The following USP3 variants were observed in gnomAD, a reference collection of about 807,000 sequenced individuals.
USP3 encodes the protein ubiquitin carboxyl-terminal hydrolase 3.
Under a neutral mutation model 72.3 loss-of-function variants are expected in USP3, and 20 were observed. The ratio of observed to expected loss-of-function variants is 0.28; its 90% CI spans 0.19 to 0.40. The LOEUF is 0.40. USP3 is among the 10% of genes least tolerant of loss of function. The pLI is 1.00. For missense variants in USP3, 479 were observed against 633.9 expected, an observed-to-expected ratio of 0.76 and a Z score of 2.62; for synonymous variants, 222 against 225.3, an observed-to-expected ratio of 0.99 and a Z score of 0.13.
At chr15:63,506,606 CTCTG>C (rs1240554564) in intron 1 of USP3, among the ~76,000 whole-genome samples, 2 of 152,290 alleles carry the variant, frequency 1.3e-5, no homozygotes, top group East Asian at 3.9e-4. Flanking sequence ...TCAGTCTTGC[CTCTG>C]TCAGTCAGGG....
Position 63,570,598 on chromosome 15 carries a change from C to T in USP3, c.908+19C>T. ...GTTGCATGTAAGATTTAGTTGCCTT[C>T]TGTTTTTTAGGAGGGCCTCAGACAT... On this transcript the variant is annotated intron_variant, in intron 9 of 14. Coordinates refer to ENST00000380324, the MANE Select transcript of USP3 (RefSeq NM_006537.4). The surrounding 1 kb of genome is among the most constrained non-coding windows in gnomAD (Gnocchi z 4.4). 1 of 1,595,396 alleles carries T rather than the reference C, an allele frequency of 6.3e-7. No individual in the cohort carries two copies. The highest frequency in any genetic ancestry group is 1.1e-5 in the South Asian group (1 of 88,206).
At chr15:63,552,961 T>C (rs1297832627) in intron 3 of USP3, among the ~76,000 whole-genome samples, 2 of 152,224 alleles carry the variant, frequency 1.3e-5, no homozygotes, top group African/African-American at 2.4e-5. Flanking sequence ...AAATTGGCCT[T>C]ATCCCAGGAA....
intron 3 of USP3, among the ~76,000 whole-genome samples, chr15:63,552,710 A>G (rs1192532094): frequency 6.6e-6 from 1 of 152,150 alleles, no homozygotes; most frequent in African/African-American, 2.4e-5. Context: ...TTCTAAAATT[A>G]CTTTTCCCCA....
intron 8 of USP3, among the ~76,000 whole-genome samples, chr15:63,564,488 G>C (rs1424125550): frequency 1.3e-5 from 2 of 152,178 alleles, no homozygotes; most frequent in Non-Finnish European, 2.9e-5. Flanking sequence ...TGGTGACCAA[G>C]ATCCCTCATT....
Position 63,510,993 on chromosome 15 carries a change from A to T in USP3, c.91+6163A>T, listed in dbSNP as rs939345571. Among the ~76,000 whole-genome samples the T allele has an allele frequency of 2.0e-5, 3 of 152,216 alleles. No individual in the cohort carries two copies. The South Asian group carries it at 6.2e-4, about 32-fold the overall frequency. On this transcript the variant is annotated intron_variant, in intron 1 of 14. Coordinates refer to ENST00000380324, the MANE Select transcript of USP3 (RefSeq NM_006537.4). Reference sequence around the variant, plus strand: ...CTTTTTAACTGCTGTGAGTCTGCAGATGTGATTATCTATAGTAATTCCAGA... The same window carrying T: ...CTTTTTAACTGCTGTGAGTCTGCAGTTGTGATTATCTATAGTAATTCCAGA...
At chr15:63,562,641 A>T (rs2066626419) in intron 7 of USP3, among the ~76,000 whole-genome samples, 1 of 152,236 alleles carries the variant, frequency 6.6e-6, no homozygotes, top group Admixed American at 6.5e-5. Context: ...GTTTTAACTC[A>T]AAGTGTACAA....
chr15:63,547,722 TAGAGAGAG>T (rs138124125), intron 3 of USP3, among the ~76,000 whole-genome samples: 3 of 68,096 alleles, frequency 4.4e-5, no homozygotes, highest in Admixed American at 1.7e-4. Context: ...CCTGTCTCAA[TAGAGAGAG>T]AGAGAGAGAG....
intron 3 of USP3, among the ~76,000 whole-genome samples, chr15:63,538,637 C>T (rs2066195939): frequency 1.3e-5 from 2 of 151,706 alleles, no homozygotes; most frequent in Admixed American, 1.3e-4. Context: ...GCTCTGCCTC[C>T]TGGGTTCAAG....
intron 1 of USP3, among the ~76,000 whole-genome samples, chr15:63,520,620 A>G (rs1176158928): frequency 7.4e-6 from 1 of 135,642 alleles, no homozygotes; most frequent in Admixed American, 8.2e-5. Flanking sequence ...CCGGAGTGCA[A>G]TGATGCAATC....
At chr15:63,560,115 A>G (rs867906571) in intron 7 of USP3, 145 bp downstream of exon 7, 32 of 725,686 alleles carry the variant, frequency 4.4e-5, no homozygotes, top group South Asian at 4.2e-4. Flanking sequence ...CTAGTTAGCA[A>G]TCTTAATAAT....
intron 5 of USP3, among the ~76,000 whole-genome samples, chr15:63,557,497 A>G (rs2066532498): frequency 1.3e-5 from 2 of 152,162 alleles, no homozygotes; most frequent in Admixed American, 6.5e-5. Context: ...TCCTGAGCTC[A>G]GGCAATCCAC....
chr15:63,574,449 G>T lies in USP3; in HGVS notation c.1096+46G>T, dbSNP rs757219311. The T allele has an allele frequency of 7.1e-7, 1 of 1,400,980 alleles. No individual in the cohort carries two copies. The highest frequency in any genetic ancestry group is 1.3e-5 in the South Asian group (1 of 76,790). The allele number at this position is 1,400,980 out of a possible 1,614,324, so 86.8% of individuals were successfully genotyped here. On this transcript the variant is annotated intron_variant, in intron 11 of 14. Transcript: ENST00000380324. The surrounding 1 kb of genome is among the most constrained non-coding windows in gnomAD (Gnocchi z 4.6). ...TAAAAATTTTTTTCTTTAAATAATT[G>T]AATAGATTGATAAGCTTCATCTATA...
intron 3 of USP3, among the ~76,000 whole-genome samples, chr15:63,546,362 A>T (rs2066327482): frequency 6.6e-6 from 1 of 152,178 alleles, no homozygotes; most frequent in Admixed American, 6.5e-5. Context: ...CAGGATATGC[A>T]TTCTAGGCTT....
At chr15:63,550,763 T>G (rs1195792282) in intron 3 of USP3, among the ~76,000 whole-genome samples, 1 of 152,238 alleles carries the variant, frequency 6.6e-6, no homozygotes, top group African/African-American at 2.4e-5. Flanking sequence ...GTAAAATATC[T>G]TTTTAACTTT....
In USP3 at chr15:63,591,063, A is replaced by T. The variant is rs2067189927; in HGVS notation, c.*237A>T. On this transcript the variant is annotated 3_prime_UTR_variant, in exon 15 of 15. Coordinates refer to ENST00000380324, the MANE Select transcript of USP3 (RefSeq NM_006537.4). The stretch of plus-strand genomic sequence containing the variant: ...CTTTAGTTGTAATAATTCAATTTTT[A>T]TAGGTAGTTGTAAGAACTTAGTCTT... 5 of 430,482 alleles carry T rather than the reference A, an allele frequency of 1.2e-5. No individual in the cohort carries two copies. The highest frequency in any genetic ancestry group is 6.3e-4 in the Middle Eastern group (1 of 1,590). The allele number at this position is 430,482 out of a possible 1,614,324, so 26.7% of individuals were successfully genotyped here.
chr15:63,521,128 A>G (rs1437541629), intron 1 of USP3, among the ~76,000 whole-genome samples: 1 of 143,072 alleles, frequency 7.0e-6, no homozygotes, highest in Non-Finnish European at 1.5e-5. Context: ...AGCAAACTAG[A>G]TACATTCTTT....
In USP3 at chr15:63,570,514, C is replaced by T. The variant is rs1242738704; in HGVS notation, c.843C>T (p.Asn281=). The T allele has an allele frequency of 1.7e-5, 27 of 1,614,080 alleles. No homozygotes were observed. Among genetic ancestry groups the T allele is most frequent in the South Asian group, 3.3e-5 (3 of 91,080 alleles). The change falls in exon 9 of 15, where the codon AAC becomes AAT. Residue 281 remains asparagine, a synonymous_variant. Coordinates refer to ENST00000380324, the MANE Select transcript of USP3 (RefSeq NM_006537.4). This position sits in a 1 kb window ranked among gnomAD's most constrained non-coding sequence, Gnocchi z 4.4. ...HLHLELQGGF[N]GVSRSAILQE... is the part of the protein sequence containing the mutation. ...ACTTGGAACTTCAGGGCGGTTTCAA[C>T]GGTGTTTCCCGCTCAGCAATTCTGC...
chr15:63,552,282 A>G (rs1276534241), intron 3 of USP3, among the ~76,000 whole-genome samples: 1 of 152,250 alleles, frequency 6.6e-6, no homozygotes, highest in Admixed American at 6.5e-5. Flanking sequence ...TGAATGCTTA[A>G]GGTTTATAGA....
rs2067187184 is a variant in USP3 at position 63,590,942 on chromosome 15, T to A, written c.*116T>A. ...CACTTTTCAATTTCCTATTTTGGAT[T>A]TAGTTTTGTCAATGGTAGTGACTTA... On this transcript the variant is annotated 3_prime_UTR_variant, in exon 15 of 15. Transcript: ENST00000380324. 1.3e-5 allele frequency: 17 copies of A among 1,335,662 alleles called. No individual in the cohort carries two copies. Among genetic ancestry groups the A allele is most frequent in the Non-Finnish European group, 1.6e-5 (16 of 1,018,738 alleles). The allele number at this position is 1,335,662 out of a possible 1,614,324, so 82.7% of individuals were successfully genotyped here.
Sources: gnomAD v4.1 joint callset for allele counts (sites outside exome capture counted in the v4.1 genomes callset) on GRCh38, gnomAD v4.1.1 for gene constraint, Gnocchi (gnomAD v3.1) non-coding constraint, MANE v1.5 for transcripts, NCBI Gene and HGNC (gene_info 2026-07-23, HGNC 2026-07-21) for gene names.